DLG5: variants seen among roughly 807,000 people sequenced by gnomAD.
The protein encoded by DLG5 is discs large MAGUK scaffold protein 5.
A neutral mutation model predicts 189.8 loss-of-function variants in DLG5; 48 were observed. The ratio of observed to expected loss-of-function variants is 0.25; its 90% CI spans 0.20 to 0.32. DLG5 has a LOEUF of 0.32. Among genes scored for constraint, DLG5 ranks in the 10% least tolerant of loss-of-function variants. The pLI, the probability that DLG5 is intolerant of heterozygous loss-of-function variation, is 1.00. For missense variants in DLG5, 2,160 were observed against 2,544.7 expected (o/e 0.85, Z 3.25); for synonymous variants, 1,016 against 1,054.1 (o/e 0.96, Z 0.70).
intron 2 of DLG5, among the ~76,000 whole-genome samples, chr10:77,859,184 T>C (rs1254049132): frequency 6.6e-6 from 1 of 152,230 alleles, no homozygotes; most frequent in Non-Finnish European, 1.5e-5. Context: ...CCCAATGTGT[T>C]TGTGTTTTAA....
At chr10:77,873,301 A>AG (rs1283610680) in intron 1 of DLG5, among the ~76,000 whole-genome samples, 1 of 152,118 alleles carries the variant, frequency 6.6e-6, no homozygotes, top group African/African-American at 2.4e-5. Context: ...ATTTCTCACA[A>AG]GCCCCCAGGG....
chr10:77,814,808 C>T (rs1841973158), intron 20 of DLG5, among the ~76,000 whole-genome samples: 1 of 152,100 alleles, frequency 6.6e-6, no homozygotes, highest in Non-Finnish European at 1.5e-5. Context: ...CTCCTGACCT[C>T]CAGTGATCCA....
At chr10:77,801,103 T>C (rs2579147) in intron 27 of DLG5, among the ~76,000 whole-genome samples, 111,377 of 152,140 alleles carry the variant, frequency 0.73, 41,478 homozygotes, top group African/African-American at 0.87. Context: ...AAACAATAAC[T>C]AGGCATATCA....
chr10:77,823,568 T>C (rs1384933558), intron 14 of DLG5, among the ~76,000 whole-genome samples: 1 of 151,322 alleles, frequency 6.6e-6, no homozygotes, highest in Non-Finnish European at 1.5e-5. Context: ...TTCGCTCTTA[T>C]TGCCCAGGCT....
At chr10:77,893,161 C>G (rs1845660143) in intron 1 of DLG5, among the ~76,000 whole-genome samples, 1 of 152,236 alleles carries the variant, frequency 6.6e-6, no homozygotes, top group Non-Finnish European at 1.5e-5. Context: ...ACCTACCCAC[C>G]AGTGTCTCAG....
intron 27 of DLG5, 54 bp downstream of exon 27, chr10:77,805,611 T>A: frequency 6.5e-7 from 1 of 1,538,018 alleles, no homozygotes; most frequent in Non-Finnish European, 8.8e-7. Flanking sequence ...AGCTCCTGGA[T>A]CCACAGCAAG....
chr10:77,811,972 G>A lies in DLG5; in HGVS notation c.4274C>T (p.Ala1425Val). The change falls in exon 22 of 32, where the codon GCC (alanine) becomes GTC (valine). Residue 1425 changes from alanine to valine, a missense_variant. Physicochemically the swap from Ala to Val is moderately conservative, Grantham distance 64. Around this residue, in one of 5 missense-constraint regions of DLG5, gnomAD observed 61 missense variants for 101.0 expected, o/e 0.60. Coordinates refer to ENST00000372391, the MANE Select transcript of DLG5 (RefSeq NM_004747.4). Reference protein sequence around the residue: ...GQQCDTITILAQYNPHVHQLS... With the variant: ...GQQCDTITILVQYNPHVHQLS... ...CTGGTGCACGTGGGGGTTGTACTGG[G>A]CCAGGATGGTGATGGTATCACACTG... 6.2e-7 allele frequency: 1 copy of A among 1,610,242 alleles called. No individual in the cohort carries two copies. Among genetic ancestry groups the A allele is most frequent in the African/African-American group, 1.3e-5 (1 of 75,050 alleles).
chr10:77,886,045 A>G (rs1182373842), intron 1 of DLG5, among the ~76,000 whole-genome samples: 1 of 152,274 alleles, frequency 6.6e-6, no homozygotes, highest in Non-Finnish European at 1.5e-5. Context: ...CAGTCGGTCA[A>G]CAGAGCTTCT....
intron 8 of DLG5, among the ~76,000 whole-genome samples, chr10:77,834,666 AC>A (rs1843038367): frequency 1.3e-5 from 2 of 152,006 alleles, no homozygotes; most frequent in African/African-American, 4.8e-5. Context: ...GCTCTGTGCC[AC>A]CTCCAGAAAT....
At chr10:77,814,670 G>A (rs373256810) in intron 20 of DLG5, among the ~76,000 whole-genome samples, 56 of 151,748 alleles carry the variant, frequency 3.7e-4, no homozygotes, top group African/African-American at 1.4e-3. Context: ...CGCCTCCCGG[G>A]TTCAAGCAAT....
Position 77,792,390 on chromosome 10 carries a change from T to C in DLG5, c.*50A>G, listed in dbSNP as rs1446344594. On this transcript the variant is annotated 3_prime_UTR_variant, in exon 32 of 32. Transcript: ENST00000372391. ...TCAGTCGCTAGAAAAGAGCTGAGTC[T>C]GGTGTCCCCTCAGGCGGCCAGCTGC... The C allele has an allele frequency of 2.0e-6, 3 of 1,535,308 alleles. No individual in the cohort carries two copies. The highest frequency in any genetic ancestry group is 2.7e-6 in the Non-Finnish European group (3 of 1,108,414).
upstream of DLG5, among the ~76,000 whole-genome samples, chr10:77,930,027 G>A (rs1384334050): frequency 6.6e-6 from 1 of 152,072 alleles, no homozygotes; most frequent in African/African-American, 2.4e-5. Flanking sequence ...CTTTCTTCTG[G>A]TCTTAGAAAA....
intron 7 of DLG5, among the ~76,000 whole-genome samples, chr10:77,838,850 T>G (rs1843277980): frequency 6.6e-6 from 1 of 152,152 alleles, no homozygotes; most frequent in South Asian, 2.1e-4. Context: ...TGGAGAGTGC[T>G]CTCTTATCCA....
intron 5 of DLG5, among the ~76,000 whole-genome samples, chr10:77,850,210 C>T (rs1455841837): frequency 6.6e-6 from 1 of 152,190 alleles, no homozygotes; most frequent in Non-Finnish European, 1.5e-5. Flanking sequence ...CAGTCACTTC[C>T]CAAACCCCAA....
Position 77,843,609 on chromosome 10 carries a change from C to T in DLG5, c.962G>A (p.Arg321Gln), listed in dbSNP as rs149488681. 9.3e-6 allele frequency: 15 copies of T among 1,613,904 alleles called. No homozygotes were observed. Among genetic ancestry groups the T allele is most frequent in the South Asian group, 2.2e-5 (2 of 91,058 alleles). The change falls in exon 6 of 32, where the codon CGG becomes CAG. Residue 321 changes from arginine (R) to glutamine (Q), a missense_variant. Arg to Gln is a conservative substitution (Grantham distance 43). This residue lies in a region of DLG5 where 664 missense variants were observed against 838.5 expected (regional missense o/e 0.79). Transcript: ENST00000372391. Reference sequence around the variant, plus strand: ...GGCGACTTTCTCACTGTACCTCTTCCGAAGGGCGTCATAGTCCTTCTTGAC... The same window carrying T: ...GGCGACTTTCTCACTGTACCTCTTCTGAAGGGCGTCATAGTCCTTCTTGAC... Reference protein sequence around the residue: ...EVVKKDYDALRKRYSEKVAIH... With the variant: ...EVVKKDYDALQKRYSEKVAIH...
At chr10:77,927,068 AC>A, upstream of DLG5, 1 of 216,242 alleles carries the variant, frequency 4.6e-6, no homozygotes, top group South Asian at 5.3e-5. Context: ...CGCGGCCGCC[AC>A]CCGCTCCCCC....
At chr10:77,854,441 G>A in intron 3 of DLG5, 71 bp from the exon 4 acceptor site, 1 of 1,584,426 alleles carries the variant, frequency 6.3e-7, no homozygotes, top group Non-Finnish European at 8.6e-7. Flanking sequence ...ACCAGGTCCT[G>A]GATTAGGCCA....
rs761797069 is a variant in DLG5, at chr10:77,830,198, C to A, written c.2009+19G>T. ...GAAGGGCCCCACCTTGCCTCCAGAG[C>A]CTGGGCCTCAACTCTTACCTTAAGC... On this transcript the variant is annotated intron_variant, in intron 11 of 31. Transcript: ENST00000372391. 3 of 1,613,724 alleles carry A rather than the reference C, an allele frequency of 1.9e-6. No homozygotes were observed. The highest frequency in any genetic ancestry group is 2.5e-6 in the Non-Finnish European group (3 of 1,179,970).
intron 1 of DLG5, among the ~76,000 whole-genome samples, chr10:77,897,130 C>T (rs1445839437): frequency 6.6e-6 from 1 of 151,836 alleles, no homozygotes. Flanking sequence ...CTGAGGCGGG[C>T]AGATCACCTG....
Sources: gnomAD v4.1 joint callset for allele counts (sites outside exome capture counted in the v4.1 genomes callset) on GRCh38, gnomAD v4.1.1 for gene constraint, gnomAD v4.1.1 regional missense constraint, MANE v1.5 for transcripts, NCBI Gene and HGNC (gene_info 2026-07-23, HGNC 2026-07-21) for gene names.